Variants in BCOR observed in about 807,000 individuals in gnomAD.
BCOR encodes the protein BCL-6 corepressor.
BCOR carries 10 observed loss-of-function variants against 86.7 expected under a neutral mutation model. That is an observed-to-expected ratio of 0.12 (90% CI 0.07 to 0.20). The LOEUF is 0.20. Ranked by LOEUF, BCOR falls within the 10% of genes least tolerant of loss-of-function variation. The probability of loss-of-function intolerance (pLI) is 1.00; values close to 1 mark genes in which losing one functional copy is unlikely to be tolerated. For synonymous variants in BCOR, 611 were observed against 609.0 expected, an observed-to-expected ratio of 1.00 and a Z score of -0.05; for missense variants, 1,259 against 1,452.1, an observed-to-expected ratio of 0.87 and a Z score of 2.16.
At chrX:40,069,076 G>A (rs1355386571) in intron 6 of BCOR, among the ~76,000 whole-genome samples, 1 of 112,640 alleles carries the variant, frequency 8.9e-6, no homozygotes, top group East Asian at 2.8e-4. Flanking sequence ...GAAGAGACGT[G>A]ATGGCCGAGA....
chrX:40,145,799 C>G (rs1378391321), intron 1 of BCOR, among the ~76,000 whole-genome samples: 1 of 111,852 alleles, frequency 8.9e-6, no homozygotes, highest in Non-Finnish European at 1.9e-5. Context: ...GTTTCCCGCC[C>G]TCCCCTGTGC....
intron 1 of BCOR, among the ~76,000 whole-genome samples, chrX:40,153,857 AGCGAGAGGCAGT>A (rs1938222914): frequency 1.8e-5 from 2 of 110,903 alleles, no homozygotes; most frequent in African/African-American, 6.6e-5. Flanking sequence ...TCGGAGCCGC[AGCGAGAGGCAGT>A]GGAGAGGCAG....
In BCOR at chrX:40,077,982, A is replaced by C; in HGVS notation, c.-40-13T>G. On this transcript the variant is annotated splice_polypyrimidine_tract_variant and intron_variant, in intron 1 of 14. Transcript: ENST00000378444. ...TCAAGCGTCTAGTCTGTTAAAAGGAAAGAAAAAAAATCCCAGGAGGTTCAG... is the reference window on the plus strand; with the variant it reads ...TCAAGCGTCTAGTCTGTTAAAAGGACAGAAAAAAAATCCCAGGAGGTTCAG... 1 of 1,070,436 alleles carries C rather than the reference A, an allele frequency of 9.3e-7. No individual in the cohort carries two copies. The highest frequency in any genetic ancestry group is 1.3e-6 in the Non-Finnish European group (1 of 766,643). 88.2% of individuals were successfully genotyped at this position (1,070,436 alleles called of 1,213,427 possible). A position where few individuals can be genotyped will look rare whatever the true frequency, so the allele number is the denominator to read the frequency against.
At chrX:40,157,925 AGT>A (rs1178774392) in intron 1 of BCOR, among the ~76,000 whole-genome samples, 1 of 112,800 alleles carries the variant, frequency 8.9e-6, no homozygotes, top group Non-Finnish European at 1.9e-5. Flanking sequence ...CACAACCAGA[AGT>A]AGCAGATTTT....
At chrX:40,054,094 T>C (rs753303548) in intron 13 of BCOR, 52 bp from the exon 14 acceptor site, 2 of 1,172,625 alleles carry the variant, frequency 1.7e-6, no homozygotes, top group Admixed American at 2.2e-5. Context: ...CAGCAAGATG[T>C]CCACAGTTGT....
chrX:40,095,104 C>T (rs1936795622), intron 1 of BCOR, among the ~76,000 whole-genome samples: 2 of 111,703 alleles, frequency 1.8e-5, no homozygotes, highest in South Asian at 3.7e-4. Context: ...ACACTGAAGG[C>T]CAGCCTCGGA....
At chrX:40,175,974 G>A (rs1176766269) in intron 1 of BCOR, among the ~76,000 whole-genome samples, 1 of 112,879 alleles carries the variant, frequency 8.9e-6, no homozygotes, top group Non-Finnish European at 1.9e-5. Flanking sequence ...TGGACTACGG[G>A]AGGGAGAGTA....
chrX:40,072,258 T>A, intron 4 of BCOR, 91 bp downstream of exon 4: 1 of 955,990 alleles, frequency 1.0e-6, no homozygotes, highest in Non-Finnish European at 1.5e-6. Flanking sequence ...ATCTGCCTGG[T>A]GCCCTGCCCT....
chrX:40,075,539 C>T (rs1935766811), intron 3 of BCOR, among the ~76,000 whole-genome samples: 1 of 111,506 alleles, frequency 9.0e-6, no homozygotes, highest in African/African-American at 3.3e-5. Context: ...GGGCAGATTG[C>T]CTGAGCTCAG....
chrX:40,131,599 A>G (rs1937602258), intron 1 of BCOR, among the ~76,000 whole-genome samples: 1 of 111,895 alleles, frequency 8.9e-6, no homozygotes, highest in Admixed American at 9.5e-5. Flanking sequence ...GTGAGCCAAG[A>G]TCGCGCCATT....
chrX:40,117,146 T>G (rs1164180418), intron 1 of BCOR, among the ~76,000 whole-genome samples: 1 of 112,516 alleles, frequency 8.9e-6, no homozygotes, highest in Non-Finnish European at 1.9e-5. Context: ...GAGTATTTCT[T>G]CTTTTCGGCT....
At position 40,071,119 on chromosome X, in the gene BCOR, C is replaced by T. The variant is rs755537147; in HGVS notation, c.3092G>A (p.Arg1031Lys). 2.4e-5 allele frequency: 29 copies of T among 1,207,593 alleles called. No homozygotes were observed. Among genetic ancestry groups the T allele is most frequent in the Non-Finnish European group, 3.1e-5 (28 of 894,482 alleles). Reference sequence around the variant, plus strand: ...TTTGGTTGCTGGGTGGCCACCTTCTCTTTCTTTCATCTCCAACTCTGAGAA... The same window carrying T: ...TTTGGTTGCTGGGTGGCCACCTTCTTTTTCTTTCATCTCCAACTCTGAGAA... ...MRFSELEMKE[R>K]EGGHPATKDS... Residue 1031 changes from arginine (R) to lysine (K), a missense_variant, in exon 6 of 15, where the codon AGA becomes AAA. This residue lies in a region of BCOR where 56 missense variants were observed against 106.6 expected (regional missense o/e 0.53). Coordinates refer to ENST00000378444, the MANE Select transcript of BCOR (RefSeq NM_001123385.2).
intron 1 of BCOR, among the ~76,000 whole-genome samples, chrX:40,107,885 G>A (rs1467247729): frequency 1.8e-5 from 2 of 113,650 alleles, no homozygotes; most frequent in South Asian, 3.5e-4. Context: ...GTGTTTCTGT[G>A]CGTTCATACG....
rs776268052 is a variant in BCOR, at chrX:40,065,826, G to A, written c.3239-1227C>T. 2.7e-3 allele frequency among the ~76,000 whole-genome samples: 302 copies of A among 109,997 alleles called. 1 individual carries two copies. The highest frequency in any genetic ancestry group is 9.8e-3 in the African/African-American group (294 of 30,148). On this transcript the variant is annotated intron_variant, in intron 6 of 14. Transcript: ENST00000378444. ...CAATTTCTAGATGAAATAAGCACAC[G>A]CCTCATCCGCTGATCTCATTCTTCC...
chrX:40,120,546 C>T (rs1187288583), intron 1 of BCOR, among the ~76,000 whole-genome samples: 2 of 111,809 alleles, frequency 1.8e-5, no homozygotes, highest in African/African-American at 3.3e-5. Context: ...TTCTCACCTA[C>T]GCCATGGCAA....
chrX:40,086,369 C>T (rs1185057774), intron 1 of BCOR, among the ~76,000 whole-genome samples: 1 of 113,064 alleles, frequency 8.8e-6, no homozygotes, highest in Non-Finnish European at 1.9e-5. Flanking sequence ...ATCTTAAAAA[C>T]TCAGCCATAA....
intron 1 of BCOR, among the ~76,000 whole-genome samples, chrX:40,111,619 C>CT (rs2147838397): frequency 9.0e-6 from 1 of 111,541 alleles, no homozygotes; most frequent in African/African-American, 3.3e-5. Context: ...CCCCCAAGGT[C>CT]TACAGTTAAG....
At chrX:40,109,779 G>C (rs1299170451) in intron 1 of BCOR, among the ~76,000 whole-genome samples, 2 of 113,104 alleles carry the variant, frequency 1.8e-5, no homozygotes, top group African/African-American at 3.2e-5. Flanking sequence ...CCCGCTGCGG[G>C]AGCCCGGGAG....
At chrX:40,060,166 T>A (rs188343409) in intron 10 of BCOR, among the ~76,000 whole-genome samples, 1 of 112,620 alleles carries the variant, frequency 8.9e-6, no homozygotes, top group East Asian at 2.8e-4. Context: ...CACTGCCACA[T>A]CTGAATGGAC....
Sources: gnomAD v4.1 joint callset for allele counts (sites outside exome capture counted in the v4.1 genomes callset) on GRCh38, gnomAD v4.1.1 for gene constraint, gnomAD v4.1.1 regional missense constraint, MANE v1.5 for transcripts, NCBI Gene and HGNC (gene_info 2026-07-23, HGNC 2026-07-21) for gene names.